Variants in GRIP1 observed in about 807,000 individuals in gnomAD.
The protein encoded by GRIP1 is glutamate receptor-interacting protein 1.
A neutral mutation model predicts 129.9 loss-of-function variants in GRIP1; 45 were observed. The ratio of observed to expected loss-of-function variants is 0.35; its 90% CI spans 0.27 to 0.44. The LOEUF is 0.44. Ranked by LOEUF, GRIP1 falls within the 20% of genes least tolerant of loss-of-function variation. The probability of loss-of-function intolerance (pLI) is 1.00; values close to 1 mark genes in which losing one functional copy is unlikely to be tolerated. For synonymous variants in GRIP1, 530 were observed against 520.8 expected, an observed-to-expected ratio of 1.02 and a Z score of -0.24; for missense variants, 1,196 against 1,396.8, an observed-to-expected ratio of 0.86 and a Z score of 2.29.
chr12:66,500,098 AAAC>A (rs1187123382), intron 7 of GRIP1, among the ~76,000 whole-genome samples: 1 of 152,230 alleles, frequency 6.6e-6, no homozygotes, highest in Admixed American at 6.5e-5. Context: ...AACAATAATA[AAAC>A]AACAATAAAA....
intron 1 of GRIP1, among the ~76,000 whole-genome samples, chr12:66,981,242 T>C (rs1383913884): frequency 2.0e-5 from 3 of 152,196 alleles, no homozygotes; most frequent in African/African-American, 7.2e-5. Context: ...TCTCTCGAAT[T>C]CTCCTTAATA....
At chr12:66,466,080 T>A (rs1454573045) in intron 7 of GRIP1, among the ~76,000 whole-genome samples, 1 of 152,220 alleles carries the variant, frequency 6.6e-6, no homozygotes, top group Non-Finnish European at 1.5e-5. Flanking sequence ...TCATATATGC[T>A]TTATTTTTGG....
At chr12:66,640,518 G>A (rs4303305) in intron 1 of GRIP1, among the ~76,000 whole-genome samples, 34,720 of 152,078 alleles carry the variant, frequency 0.23, 4,125 homozygotes, top group Non-Finnish European at 0.27. Context: ...GATGTCTCTC[G>A]AAGTTGATTT....
At position 66,838,134 on chromosome 12, in the gene GRIP1, G is replaced by A. The variant is rs567228424; in HGVS notation, c.58+230916C>T. On this transcript the variant is annotated intron_variant, in intron 1 of 1. Transcript: ENST00000643019. ...CCGGAAGGCAGGGTTGCAGTGAGCCGAGATCAGGCCACTGCACTCCAGCCT... is the reference window on the plus strand; with the variant it reads ...CCGGAAGGCAGGGTTGCAGTGAGCCAAGATCAGGCCACTGCACTCCAGCCT... Among the ~76,000 whole-genome samples, 35 of 150,294 alleles carry A rather than the reference G, an allele frequency of 2.3e-4. No homozygotes were observed. In the East Asian group the frequency reaches 6.5e-3, roughly 28 times the overall value.
At chr12:66,619,133 CAAAAT>C (rs1464631280) in intron 1 of GRIP1, among the ~76,000 whole-genome samples, 5 of 151,866 alleles carry the variant, frequency 3.3e-5, no homozygotes, top group Admixed American at 1.3e-4. Context: ...CAAGATAAGA[CAAAAT>C]AAGATAAACT....
rs147735716 is a variant in GRIP1, at chr12:66,498,532, T to A, written c.724+17087A>T. Among the ~76,000 whole-genome samples the A allele has an allele frequency of 6.3e-4, 96 of 152,332 alleles. 5 individuals are homozygous for A. The South Asian group carries it at 0.013, about 20-fold the overall frequency. ...TTCCTCTGATTTCTCAAATAGGGATTCTTAAGTCTATCTCTTAAGGTAAAA... is the reference window on the plus strand; with the variant it reads ...TTCCTCTGATTTCTCAAATAGGGATACTTAAGTCTATCTCTTAAGGTAAAA... On this transcript the variant is annotated intron_variant, in intron 7 of 24. Transcript: ENST00000359742.
chr12:66,472,596 G>C (rs2059470303), intron 7 of GRIP1, among the ~76,000 whole-genome samples: 1 of 152,178 alleles, frequency 6.6e-6, no homozygotes, highest in African/African-American at 2.4e-5. Context: ...CAGAAGGCGG[G>C]TGATTTCTGC....
chr12:66,949,176 A>G (rs1343036689), intron 1 of GRIP1, among the ~76,000 whole-genome samples: 2 of 152,244 alleles, frequency 1.3e-5, no homozygotes, highest in Non-Finnish European at 2.9e-5. Context: ...CGGATATTTA[A>G]GAAAATAACT....
intron 1 of GRIP1, among the ~76,000 whole-genome samples, chr12:66,879,330 A>C (rs773549232): frequency 6.6e-6 from 1 of 152,086 alleles, no homozygotes; most frequent in Non-Finnish European, 1.5e-5. Flanking sequence ...AATTTACTAC[A>C]TACCAGGTGC....
intron 1 of GRIP1, among the ~76,000 whole-genome samples, chr12:66,802,582 T>C (rs1247633352): frequency 6.6e-6 from 1 of 152,182 alleles, no homozygotes; most frequent in Non-Finnish European, 1.5e-5. Context: ...AAGCTAGTAG[T>C]ATGCAGGCAT....
At chr12:66,694,089 T>A (rs1403805920) in intron 1 of GRIP1, among the ~76,000 whole-genome samples, 11 of 152,186 alleles carry the variant, frequency 7.2e-5, no homozygotes, top group Admixed American at 5.2e-4. Flanking sequence ...GACATTTTAC[T>A]GCCATCTGCT....
rs1028571354 is a variant in GRIP1 at position 66,347,781 on chromosome 12, C to T, written c.*1238G>A. 7 of 151,620 alleles carry T rather than the reference C, an allele frequency of 4.6e-5. No homozygotes were observed. Among genetic ancestry groups the T allele is most frequent in the African/African-American group, 1.7e-4 (7 of 41,218 alleles). The allele number at this position is 151,620 out of a possible 1,614,324, so 9.4% of individuals were successfully genotyped here. On this transcript the variant is annotated 3_prime_UTR_variant, in exon 25 of 25. Coordinates refer to ENST00000359742, the MANE Select transcript of GRIP1 (RefSeq NM_001366722.1). ...GATTTTTTTTTTATATTTCCTTAAA[C>T]AAAGGACACAGTGTTCGAATACTTT... is the stretch of plus-strand genomic sequence containing the variant.
At chr12:66,513,685 T>C (rs941590891) in intron 7 of GRIP1, among the ~76,000 whole-genome samples, 5 of 152,180 alleles carry the variant, frequency 3.3e-5, no homozygotes, top group Admixed American at 6.5e-5. Flanking sequence ...TTCAGCAACC[T>C]TGAGGAACTC....
chr12:66,743,434 G>A (rs906398758), intron 1 of GRIP1, among the ~76,000 whole-genome samples: 20 of 152,036 alleles, frequency 1.3e-4, no homozygotes, highest in Admixed American at 5.2e-4. Context: ...GTCATGAGGA[G>A]GAACCCTTTC....
intron 1 of GRIP1, among the ~76,000 whole-genome samples, chr12:66,766,638 T>C (rs149184932): frequency 6.6e-6 from 1 of 152,288 alleles, no homozygotes; most frequent in Non-Finnish European, 1.5e-5. Context: ...GAGCGCTGCA[T>C]GGGTGGCCTT....
intron 2 of GRIP1, among the ~76,000 whole-genome samples, chr12:66,585,121 CT>C (rs1211626119): frequency 1.3e-4 from 19 of 144,530 alleles, no homozygotes; most frequent in African/African-American, 4.4e-4. Context: ...TTTTATTATA[CT>C]TTAAGTTTTA....
At chr12:66,469,114 C>T (rs2138394812) in intron 7 of GRIP1, among the ~76,000 whole-genome samples, 1 of 152,272 alleles carries the variant, frequency 6.6e-6, no homozygotes, top group East Asian at 1.9e-4. Flanking sequence ...CTACACAAGG[C>T]TCAAGGCTGG....
chr12:66,579,117 T>A (rs949264172), intron 2 of GRIP1, among the ~76,000 whole-genome samples: 12 of 152,198 alleles, frequency 7.9e-5, no homozygotes, highest in Non-Finnish European at 1.5e-4. Context: ...ACCACTGTTC[T>A]GCAGACACCG....
intron 1 of GRIP1, among the ~76,000 whole-genome samples, chr12:66,662,142 G>A (rs992191721): frequency 6.6e-6 from 1 of 152,090 alleles, no homozygotes; most frequent in African/African-American, 2.4e-5. Context: ...CGGTTCAGAT[G>A]AGTAACCCAG....
Sources: gnomAD v4.1 joint callset for allele counts (sites outside exome capture counted in the v4.1 genomes callset) on GRCh38, gnomAD v4.1.1 for gene constraint, MANE v1.5 for transcripts, NCBI Gene and HGNC (gene_info 2026-07-23, HGNC 2026-07-21) for gene names.